The following ANGEL2 variants were observed in gnomAD, a reference collection of about 807,000 sequenced individuals.
ANGEL2 encodes the protein angel homolog 2.
A neutral mutation model predicts 66.0 loss-of-function variants in ANGEL2; 41 were observed. That is an observed-to-expected ratio of 0.62 (90% CI 0.48 to 0.81). The LOEUF (loss-of-function observed/expected upper bound fraction) is 0.81. Ranked by LOEUF, ANGEL2 falls within the 30% of genes least tolerant of loss-of-function variation. The pLI is 0.00. For synonymous variants in ANGEL2, 208 were observed against 226.5 expected (o/e 0.92, Z 0.73); for missense variants, 561 against 641.6 (o/e 0.87, Z 1.36).
Position 213,005,293 on chromosome 1 carries a change from A to G in ANGEL2, c.874T>C (p.Leu292=). 1 of 1,614,232 alleles carries G rather than the reference A, an allele frequency of 6.2e-7. No individual in the cohort carries two copies. Among genetic ancestry groups the G allele is most frequent in the Non-Finnish European group, 8.5e-7 (1 of 1,180,038 alleles). ...DRDNVGLVLL[L]QPKIPYAACP... ...GCAGCATATGGAATTTTGGGCTGTAAGAGTAAAACTAATCCAACATTGTCT... is the reference window on the plus strand; with the variant it reads ...GCAGCATATGGAATTTTGGGCTGTAGGAGTAAAACTAATCCAACATTGTCT... The change falls in exon 5 of 9, where the codon TTA becomes CTA. Residue 292 remains leucine (L), a synonymous_variant. Coordinates refer to ENST00000366962, the MANE Select transcript of ANGEL2 (RefSeq NM_144567.5).
At chr1:213,004,631 A>T (rs1186446280) in intron 5 of ANGEL2, among the ~76,000 whole-genome samples, 4 of 152,100 alleles carry the variant, frequency 2.6e-5, no homozygotes, top group African/African-American at 9.7e-5. Flanking sequence ...GCACTTTGGG[A>T]GGCCGAAGCA....
chr1:212,997,612 T>C (rs2076062834), intron 7 of ANGEL2, among the ~76,000 whole-genome samples: 1 of 152,222 alleles, frequency 6.6e-6, no homozygotes, highest in Non-Finnish European at 1.5e-5. Context: ...AGAACATGTA[T>C]TCTAACAAGT....
intron 1 of ANGEL2, 171 bp downstream of exon 1, chr1:213,015,442 T>A (rs956759636): frequency 2.7e-4 from 389 of 1,426,062 alleles, no homozygotes; most frequent in Non-Finnish European, 3.4e-4. Context: ...GGTTTACCTA[T>A]CCCGCTTGGT....
intron 1 of ANGEL2, chr1:213,015,238 G>A: frequency 9.3e-7 from 1 of 1,072,964 alleles, no homozygotes; most frequent in Non-Finnish European, 1.1e-6. Context: ...CGGAGAGGCG[G>A]CCTCCCCGCC....
At chr1:212,998,718 C>A (rs905900767) in intron 7 of ANGEL2, among the ~76,000 whole-genome samples, 2 of 151,270 alleles carry the variant, frequency 1.3e-5, no homozygotes, top group South Asian at 2.1e-4. Flanking sequence ...AGTAGAGACG[C>A]GGTTTCACCG....
chr1:213,010,571 C>CAAA (rs11339532), intron 2 of ANGEL2, among the ~76,000 whole-genome samples: 10 of 110,908 alleles, frequency 9.0e-5, no homozygotes, highest in South Asian at 8.2e-4. Flanking sequence ...GCCTTCGTCT[C>CAAA]AAAAAAAAAA....
Position 212,997,191 on chromosome 1 carries a change from A to G in ANGEL2, c.1447T>C (p.Tyr483His). 1 of 1,613,888 alleles carries G rather than the reference A, an allele frequency of 6.2e-7. No individual in the cohort carries two copies. The highest frequency in any genetic ancestry group is 8.5e-7 in the Non-Finnish European group (1 of 1,179,788). ...GCAACATCTTCCTTTTCTGCAGAGT[A>G]GAAAATATAATCCACAGTTATGGCA... ...RSAITVDYIF[Y>H]SAEKEDVAGH... Residue 483 changes from tyrosine to histidine, a missense_variant, in exon 8 of 9, where the codon TAC (tyrosine) becomes CAC (histidine). Coordinates refer to ENST00000366962, the MANE Select transcript of ANGEL2 (RefSeq NM_144567.5).
At chr1:213,007,047 T>C (rs562816579) in intron 4 of ANGEL2, 82 bp downstream of exon 4, 276 of 1,318,764 alleles carry the variant, frequency 2.1e-4, no homozygotes, top group Non-Finnish European at 2.7e-4. Context: ...TGAGCCATGA[T>C]TGTGCCACTG....
intron 5 of ANGEL2, 45 bp downstream of exon 5, chr1:213,004,988 G>A: frequency 6.9e-7 from 1 of 1,441,372 alleles, no homozygotes; most frequent in Non-Finnish European, 9.3e-7. Context: ...ATCATGAGCA[G>A]AGCAACTATG....
chr1:213,015,144 C>T (rs1051730480), intron 1 of ANGEL2: 8 of 998,484 alleles, frequency 8.0e-6, no homozygotes, highest in Non-Finnish European at 8.3e-6. Context: ...TTGAAAGACA[C>T]TAACACATCA....
intron 5 of ANGEL2, chr1:213,001,226 A>G (rs1268051588): frequency 1.1e-5 from 3 of 284,158 alleles, no homozygotes; most frequent in African/African-American, 2.3e-5. Flanking sequence ...TTCCTATTGT[A>G]TCAAATATAG....
intron 3 of ANGEL2, among the ~76,000 whole-genome samples, 189 bp downstream of exon 3, chr1:213,008,021 G>A (rs1572143985): frequency 1.3e-5 from 2 of 151,786 alleles, no homozygotes; most frequent in South Asian, 2.1e-4. Context: ...GAGCCACCAC[G>A]CCCGGCTAAT....
Position 213,008,261 on chromosome 1 carries a change from C to A in ANGEL2, c.591G>T (p.Trp197Cys). ...YRHCRRPVLH[W>C]SFRFPNILKE... is the part of the protein sequence containing the mutation. Reference sequence around the variant, plus strand: ...TCAGAATATTGGGAAACCTAAAACTCCAGTGTAATACTGGCCGCCGGCAAT... The same window carrying A: ...TCAGAATATTGGGAAACCTAAAACTACAGTGTAATACTGGCCGCCGGCAAT... Residue 197 changes from tryptophan (W) to cysteine (C), a missense_variant, in exon 3 of 9, where the codon TGG becomes TGT. Transcript: ENST00000366962. The A allele has an allele frequency of 6.2e-7, 1 of 1,614,104 alleles. No individual in the cohort carries two copies. The highest frequency in any genetic ancestry group is 1.6e-4 in the Middle Eastern group (1 of 6,062).
intron 5 of ANGEL2, among the ~76,000 whole-genome samples, chr1:213,003,843 G>A (rs555820838): frequency 6.6e-5 from 10 of 152,240 alleles, no homozygotes; most frequent in African/African-American, 2.4e-4. Flanking sequence ...TTTGAAGCTC[G>A]ATAAAGCAAA....
chr1:213,001,116 C>T, intron 5 of ANGEL2: 1 of 523,598 alleles, frequency 1.9e-6, no homozygotes, highest in Non-Finnish European at 3.3e-6. Context: ...ATAAAAATGA[C>T]AATCTTTTTC....
Position 213,015,832 on chromosome 1 carries a change from C to G in ANGEL2, c.-161G>C, listed in dbSNP as rs2076633373. 4 of 853,630 alleles carry G rather than the reference C, an allele frequency of 4.7e-6. No homozygotes were observed. Among genetic ancestry groups the G allele is most frequent in the Non-Finnish European group, 7.3e-6 (4 of 549,672 alleles). The allele number at this position is 853,630 out of a possible 1,614,324, so 52.9% of individuals were successfully genotyped here. A position where few individuals can be genotyped will look rare whatever the true frequency, so the allele number is the denominator to read the frequency against. Reference sequence around the variant, plus strand: ...TGGGAGGTGCAGTCTCGCCGGCCGGCCTACACTCCATCTTGCGCAGTCAGA... The same window carrying G: ...TGGGAGGTGCAGTCTCGCCGGCCGGGCTACACTCCATCTTGCGCAGTCAGA... On this transcript the variant is annotated 5_prime_UTR_variant, in exon 1 of 9. Transcript: ENST00000366962.
At chr1:213,002,568 C>G (rs2076205706) in intron 5 of ANGEL2, among the ~76,000 whole-genome samples, 1 of 152,200 alleles carries the variant, frequency 6.6e-6, no homozygotes. Context: ...CTTCTTCTTT[C>G]TAGTTATGAA....
At chr1:213,011,305 TACAAAG>T in intron 2 of ANGEL2, 2 of 1,276,080 alleles carry the variant, frequency 1.6e-6, no homozygotes, top group Non-Finnish European at 2.0e-6. Context: ...GGTGCCTAAT[TACAAAG>T]TCATAATTGT....
intron 2 of ANGEL2, chr1:213,011,469 T>C (rs1191790574): frequency 1.8e-6 from 2 of 1,110,796 alleles, no homozygotes; most frequent in African/African-American, 3.3e-5. Context: ...CTAGGAAGAA[T>C]GGACATATAG....
Sources: allele counts gnomAD v4.1 joint callset (sites outside exome capture counted in the v4.1 genomes callset), GRCh38; gene constraint gnomAD v4.1.1; transcripts MANE v1.5; gene names NCBI Gene and HGNC (gene_info 2026-07-23, HGNC 2026-07-21).